NBEA: variants seen among roughly 807,000 people sequenced by gnomAD.
NBEA encodes the protein neurobeachin, also known as lysosomal-trafficking regulator 2.
A neutral mutation model predicts 343.4 loss-of-function variants in NBEA; 44 were observed. That is an observed-to-expected ratio of 0.13 (90% CI 0.10 to 0.16). The LOEUF (loss-of-function observed/expected upper bound fraction) is 0.16. Among genes scored for constraint, NBEA ranks in the 10% least tolerant of loss-of-function variants. The pLI, the probability that NBEA is intolerant of heterozygous loss-of-function variation, is 1.00. For missense variants in NBEA, 2,555 were observed against 3,631.3 expected (o/e 0.70, Z 7.62); for synonymous variants, 1,175 against 1,238.7 (o/e 0.95, Z 1.08).
intron 48 of NBEA, among the ~76,000 whole-genome samples, chr13:35,627,541 C>T (rs1210395667): frequency 6.6e-6 from 1 of 151,934 alleles, no homozygotes; most frequent in Non-Finnish European, 1.5e-5. Context: ...CAAAATTGCC[C>T]AGTGATTCCC....
intron 1 of NBEA, among the ~76,000 whole-genome samples, chr13:34,956,268 AATG>A (rs2059486967): frequency 6.6e-6 from 1 of 152,102 alleles, no homozygotes; most frequent in African/African-American, 2.4e-5. Context: ...CTTTGAGGTG[AATG>A]ATGATTAACT....
At chr13:35,424,793 G>A (rs570321904) in intron 38 of NBEA, among the ~76,000 whole-genome samples, 4 of 151,912 alleles carry the variant, frequency 2.6e-5, no homozygotes, top group African/African-American at 7.3e-5. Context: ...CTTTTTTTTC[G>A]TTGGTAAGCT....
At chr13:35,399,159 G>A (rs2042881995) in intron 38 of NBEA, among the ~76,000 whole-genome samples, 1 of 152,080 alleles carries the variant, frequency 6.6e-6, no homozygotes, top group Non-Finnish European at 1.5e-5. Flanking sequence ...AAGAGATAGG[G>A]CTTTGCTCTG....
chr13:35,272,573 G>A lies in NBEA; in HGVS notation c.5777-17816G>A, dbSNP rs539573892. On this transcript the variant is annotated intron_variant, in intron 34 of 58. Coordinates refer to ENST00000379939, the MANE Select transcript of NBEA (RefSeq NM_001385012.1). ...GACACAGACTGGCAAATTGGATAAA[G>A]AGTCAAGACCCATCAGTGTGCCGTA... 3.7e-4 allele frequency among the ~76,000 whole-genome samples: 57 copies of A among 152,196 alleles called. No homozygotes were observed. The South Asian group carries it at 0.012, about 31-fold the overall frequency.
chr13:35,607,458 A>C (rs746969633), intron 48 of NBEA, among the ~76,000 whole-genome samples: 2 of 152,192 alleles, frequency 1.3e-5, no homozygotes, highest in African/African-American at 4.8e-5. Context: ...TAATCCCAAC[A>C]TGGTTATAGT....
intron 33 of NBEA, among the ~76,000 whole-genome samples, chr13:35,225,521 A>C (rs2074602315): frequency 6.6e-6 from 1 of 152,102 alleles, no homozygotes; most frequent in Non-Finnish European, 1.5e-5. Flanking sequence ...CAATGAAGGA[A>C]GTTTTCTGCA....
intron 41 of NBEA, among the ~76,000 whole-genome samples, chr13:35,547,966 C>T (rs1340058627): frequency 2.0e-5 from 3 of 151,976 alleles, no homozygotes; most frequent in African/African-American, 4.8e-5. Flanking sequence ...CAGAACGGCT[C>T]GGGGTGAGGG....
intron 1 of NBEA, among the ~76,000 whole-genome samples, chr13:34,999,808 G>GCAA (rs11421786): frequency 6.6e-6 from 1 of 151,982 alleles, no homozygotes; most frequent in Non-Finnish European, 1.5e-5. Context: ...TAGGTAACTT[G>GCAA]ATAAGGTTAT....
intron 1 of NBEA, among the ~76,000 whole-genome samples, chr13:35,034,843 G>A (rs981005828): frequency 5.9e-5 from 9 of 151,796 alleles, no homozygotes; most frequent in African/African-American, 2.2e-4. Flanking sequence ...AGCCACTAAT[G>A]ATCCTTTGAA....
intron 41 of NBEA, among the ~76,000 whole-genome samples, chr13:35,522,302 T>C (rs766668423): frequency 6.6e-5 from 10 of 151,580 alleles, no homozygotes; most frequent in Non-Finnish European, 1.3e-4. Context: ...ACCCTGTCTC[T>C]ACTAAAAATA....
At chr13:35,098,210 CT>C in intron 10 of NBEA, 86 bp from the exon 11 acceptor site, 1 of 862,924 alleles carries the variant, frequency 1.2e-6, no homozygotes, top group South Asian at 1.7e-5. Flanking sequence ...ATATGGTTAT[CT>C]TTTGGCATAA....
intron 17 of NBEA, among the ~76,000 whole-genome samples, chr13:35,124,705 T>C (rs1353324245): frequency 6.6e-6 from 1 of 151,284 alleles, no homozygotes; most frequent in East Asian, 1.9e-4. Flanking sequence ...TATACACACA[T>C]ATATGTATGG....
chr13:35,570,410 G>T (rs568191541), intron 45 of NBEA, among the ~76,000 whole-genome samples: 2 of 152,148 alleles, frequency 1.3e-5, no homozygotes, highest in Non-Finnish European at 2.9e-5. Flanking sequence ...CCTCACATGT[G>T]CTCCTCTAAT....
chr13:35,418,356 A>G (rs2044068001), intron 38 of NBEA, among the ~76,000 whole-genome samples: 1 of 152,104 alleles, frequency 6.6e-6, no homozygotes. Flanking sequence ...ATAACTTATT[A>G]TGTTGAAATA....
chr13:35,161,030 T>C (rs1453219880), intron 22 of NBEA, among the ~76,000 whole-genome samples: 3 of 152,192 alleles, frequency 2.0e-5, no homozygotes, highest in Non-Finnish European at 4.4e-5. Flanking sequence ...TCATAATATA[T>C]CGTGTGTGGG....
At chr13:35,044,278 C>T (rs2062762946) in intron 2 of NBEA, among the ~76,000 whole-genome samples, 1 of 152,016 alleles carries the variant, frequency 6.6e-6, no homozygotes, top group South Asian at 2.1e-4. Flanking sequence ...GGTCTATGTT[C>T]TTGGGCAATG....
chr13:34,958,715 G>T (rs1014514949), intron 1 of NBEA, among the ~76,000 whole-genome samples: 4 of 152,070 alleles, frequency 2.6e-5, no homozygotes, highest in Admixed American at 2.6e-4. Flanking sequence ...GTGGAGGAAG[G>T]GATGAGAGTA....
At position 35,551,021 on chromosome 13, in the gene NBEA, G is replaced by A; in HGVS notation, c.6795G>A (p.Leu2265=). The A allele has an allele frequency of 6.3e-7, 1 of 1,587,188 alleles. No individual in the cohort carries two copies. The highest frequency in any genetic ancestry group is 8.6e-7 in the Non-Finnish European group (1 of 1,158,626). Reference sequence around the variant, plus strand: ...TTGGAGTAGGGACCAGCTATGGTCTGCCACAAGCCAGGTAATTATATCATA... The same window carrying A: ...TTGGAGTAGGGACCAGCTATGGTCTACCACAAGCCAGGTAATTATATCATA... ...PRVGVGTSYG[L]PQARRISLAT... The change falls in exon 43 of 59, where the codon CTG becomes CTA. Residue 2265 remains leucine, a synonymous_variant. Coordinates refer to ENST00000379939, the MANE Select transcript of NBEA (RefSeq NM_001385012.1).
chr13:35,175,099 T>C (rs1443222702), intron 27 of NBEA, among the ~76,000 whole-genome samples: 1 of 151,974 alleles, frequency 6.6e-6, no homozygotes, highest in Non-Finnish European at 1.5e-5. Flanking sequence ...CACTTCAGAG[T>C]ATTTATAGCA....
Sources: gnomAD v4.1 joint callset for allele counts (sites outside exome capture counted in the v4.1 genomes callset) on GRCh38, gnomAD v4.1.1 for gene constraint, MANE v1.5 for transcripts, NCBI Gene and HGNC (gene_info 2026-07-23, HGNC 2026-07-21) for gene names.